ETV1: variants seen among roughly 807,000 people sequenced by gnomAD.
ETV1 encodes ETS variant transcription factor 1.
Under a neutral mutation model 62.3 loss-of-function variants are expected in ETV1, and 27 were observed. The ratio of observed to expected loss-of-function variants is 0.43; its 90% CI spans 0.32 to 0.60. ETV1 has a LOEUF of 0.60. Ranked by LOEUF, ETV1 falls within the 20% of genes least tolerant of loss-of-function variation. ETV1 has a pLI of 0.06. For synonymous variants in ETV1, 222 were observed against 199.6 expected (o/e 1.11, Z -0.94); for missense variants, 605 against 605.8 (o/e 1.00, Z 0.01).
intron 12 of ETV1, among the ~76,000 whole-genome samples, chr7:13,905,730 CTT>C (rs1051911429): frequency 1.3e-5 from 2 of 152,120 alleles, no homozygotes; most frequent in Non-Finnish European, 2.9e-5. Flanking sequence ...CCAGGCTCTT[CTT>C]ATTTTAGTAA....
At position 13,988,988 on chromosome 7, in the gene ETV1, C is replaced by T. The variant is rs1409525636; in HGVS notation, c.45+20G>A. 5.0e-6 allele frequency: 8 copies of T among 1,593,302 alleles called. No homozygotes were observed. The highest frequency in any genetic ancestry group is 4.0e-5 in the African/African-American group (3 of 74,290). On this transcript the variant is annotated intron_variant, in intron 3 of 13. Coordinates refer to ENST00000430479, the MANE Select transcript of ETV1 (RefSeq NM_004956.5). ...ACGGAGTCAAGTTTATAAACAGCAA[C>T]TTTCAAACTGATCACTCACATTGGT...
intron 9 of ETV1, among the ~76,000 whole-genome samples, chr7:13,911,551 A>G (rs1223731895): frequency 6.6e-6 from 1 of 152,120 alleles, no homozygotes; most frequent in Non-Finnish European, 1.5e-5. Context: ...ACCCAAATAA[A>G]CCTTGCTAAA....
chr7:13,902,052 C>T (rs927467838), intron 12 of ETV1, among the ~76,000 whole-genome samples: 1 of 152,178 alleles, frequency 6.6e-6, no homozygotes, highest in Non-Finnish European at 1.5e-5. Flanking sequence ...GCTAAAGTCA[C>T]TCTCTCATTA....
chr7:13,940,105 G>T (rs1220052970), intron 6 of ETV1, among the ~76,000 whole-genome samples: 1 of 152,196 alleles, frequency 6.6e-6, no homozygotes, highest in Non-Finnish European at 1.5e-5. Flanking sequence ...GCTCACGCCG[G>T]TAATCCCAAC....
intron 9 of ETV1, among the ~76,000 whole-genome samples, chr7:13,925,584 G>C (rs973264314): frequency 4.7e-5 from 5 of 107,108 alleles, no homozygotes; most frequent in African/African-American, 1.8e-4. Flanking sequence ...TTTTTTTTTT[G>C]AGACAGAGTC....
Position 13,931,482 on chromosome 7 carries a change from T to C in ETV1, c.802+20A>G, listed in dbSNP as rs547271332. 1.7e-4 allele frequency: 281 copies of C among 1,613,624 alleles called. No individual in the cohort carries two copies. The South Asian group carries it at 2.8e-3, about 16-fold the overall frequency. On this transcript the variant is annotated intron_variant, in intron 9 of 13. Coordinates refer to ENST00000430479, the MANE Select transcript of ETV1 (RefSeq NM_004956.5). The stretch of plus-strand genomic sequence containing the variant: ...GTGAAAAAGTGCCTTGAATGTAATT[T>C]GCGCAGAGCGCAGGCCTACCTGAGT...
At chr7:13,975,077 C>T (rs371393070) in intron 6 of ETV1, 12 of 152,292 alleles carry the variant, frequency 7.9e-5, no homozygotes, top group African/African-American at 2.9e-4. Flanking sequence ...TAGCCAGTAT[C>T]CAGACATGTC....
chr7:13,951,264 C>T (rs900812088), intron 6 of ETV1, among the ~76,000 whole-genome samples: 1 of 152,200 alleles, frequency 6.6e-6, no homozygotes, highest in Non-Finnish European at 1.5e-5. Flanking sequence ...ATGTCACACT[C>T]ATGAGTTAAA....
chr7:13,921,093 A>C (rs1362210243), intron 9 of ETV1, among the ~76,000 whole-genome samples: 2 of 152,220 alleles, frequency 1.3e-5, no homozygotes, highest in Non-Finnish European at 2.9e-5. Flanking sequence ...CTCATTCTTT[A>C]AAGTTCCCAA....
chr7:13,930,601 G>A lies in ETV1; in HGVS notation c.802+901C>T, dbSNP rs140702194. On this transcript the variant is annotated intron_variant, in intron 9 of 13. Coordinates refer to ENST00000430479, the MANE Select transcript of ETV1 (RefSeq NM_004956.5). The stretch of plus-strand genomic sequence containing the variant: ...CTCCCAAAGTGCTGGGATTACAGGC[G>A]TGAGCCACCAGACTGGAAAAGATTT... Among the ~76,000 whole-genome samples the A allele has an allele frequency of 8.7e-3, 1,327 of 151,996 alleles. 6 individuals carry two copies. Among genetic ancestry groups the A allele is most frequent in the Non-Finnish European group, 0.013 (912 of 67,988 alleles).
At chr7:13,952,422 GCT>G (rs1176037735) in intron 6 of ETV1, among the ~76,000 whole-genome samples, 1 of 152,128 alleles carries the variant, frequency 6.6e-6, no homozygotes, top group Admixed American at 6.5e-5. Context: ...CACACACAGA[GCT>G]CTACAAGCCT....
intron 6 of ETV1, among the ~76,000 whole-genome samples, chr7:13,948,612 T>G (rs1788439147): frequency 6.6e-6 from 1 of 152,182 alleles, no homozygotes; most frequent in African/African-American, 2.4e-5. Context: ...CACCCATTCA[T>G]TTCGGTCTAG....
At chr7:13,922,838 G>GC (rs1318768739) in intron 9 of ETV1, among the ~76,000 whole-genome samples, 1 of 152,092 alleles carries the variant, frequency 6.6e-6, no homozygotes, top group African/African-American at 2.4e-5. Flanking sequence ...ATTTTTGGTT[G>GC]CTTATGTGTG....
At chr7:13,984,333 G>A (rs1782320184) in intron 5 of ETV1, among the ~76,000 whole-genome samples, 1 of 152,034 alleles carries the variant, frequency 6.6e-6, no homozygotes, top group Non-Finnish European at 1.5e-5. Flanking sequence ...ATTTCTGGAT[G>A]TCCAGAAAGA....
chr7:13,983,351 C>T (rs1459751570), intron 5 of ETV1, among the ~76,000 whole-genome samples: 1 of 151,944 alleles, frequency 6.6e-6, no homozygotes, highest in Non-Finnish European at 1.5e-5. Context: ...ACAATCCTGT[C>T]TTAATTTTTT....
chr7:13,909,338 T>C (rs972338114), intron 11 of ETV1, among the ~76,000 whole-genome samples: 1 of 152,140 alleles, frequency 6.6e-6, no homozygotes, highest in Non-Finnish European at 1.5e-5. Context: ...ACAAGCTGCA[T>C]GTGCTCAGCA....
chr7:13,985,316 T>A (rs1782438191), intron 5 of ETV1: 1 of 152,048 alleles, frequency 6.6e-6, no homozygotes, highest in Admixed American at 6.6e-5. Flanking sequence ...ACTAGCAAAA[T>A]GATCCTTAAA....
chr7:13,957,318 C>T (rs553903268), intron 6 of ETV1, among the ~76,000 whole-genome samples: 43 of 152,056 alleles, frequency 2.8e-4, no homozygotes, highest in Admixed American at 6.6e-4. Context: ...GATCTCCTGA[C>T]CTCGTGATTT....
intron 9 of ETV1, among the ~76,000 whole-genome samples, chr7:13,915,084 A>G (rs1784005768): frequency 6.6e-6 from 1 of 152,238 alleles, no homozygotes; most frequent in Admixed American, 6.5e-5. Flanking sequence ...TCTTAGAGGA[A>G]ATGAGAAATC....
Sources: allele counts gnomAD v4.1 joint callset (sites outside exome capture counted in the v4.1 genomes callset), GRCh38; gene constraint gnomAD v4.1.1; transcripts MANE v1.5; gene names NCBI Gene and HGNC (gene_info 2026-07-23, HGNC 2026-07-21).